The following FUT8 variants were observed in gnomAD, a reference collection of about 807,000 sequenced individuals.
FUT8 encodes the protein fucosyltransferase 8.
Under a neutral mutation model 71.3 loss-of-function variants are expected in FUT8, and 29 were observed. That is an observed-to-expected ratio of 0.41 (90% CI 0.30 to 0.55). The LOEUF is 0.55. Ranked by LOEUF, FUT8 falls within the 20% of genes least tolerant of loss-of-function variation. The pLI is 0.34. For missense variants in FUT8, 544 were observed against 702.1 expected (o/e 0.77, Z 2.55); for synonymous variants, 254 against 239.3 (o/e 1.06, Z -0.57).
intron 1 of FUT8, among the ~76,000 whole-genome samples, chr14:65,454,632 CAATT>C (rs771512894): frequency 1.3e-5 from 2 of 152,062 alleles, no homozygotes; most frequent in Non-Finnish European, 2.9e-5. Flanking sequence ...CTGCTTCTCA[CAATT>C]AATAATGTCA....
chr14:65,465,404 T>C (rs1213486781), intron 2 of FUT8, among the ~76,000 whole-genome samples: 1 of 152,208 alleles, frequency 6.6e-6, no homozygotes, highest in African/African-American at 2.4e-5. Flanking sequence ...GCTCCTAGCC[T>C]CAAGTGATCC....
rs1393094242 is a variant in FUT8 at position 65,634,440 on chromosome 14, GTCC to G, written c.597+4837_597+4839del. ...CACAAACACTGCGGAAGGCTGCAGG[GTCC>G]TCTGCCTAGGAAAACCAGAGACCTT... is the stretch of plus-strand genomic sequence containing the variant. On this transcript the variant is annotated intron_variant, in intron 6 of 10. Transcript: ENST00000673929. Among the ~76,000 whole-genome samples the G allele has an allele frequency of 2.0e-5, 3 of 152,086 alleles. No individual in the cohort carries two copies. In the East Asian group the frequency reaches 5.8e-4, roughly 29 times the overall value.
chr14:65,655,432 C>T (rs1467055018), intron 6 of FUT8, among the ~76,000 whole-genome samples: 5 of 148,980 alleles, frequency 3.4e-5, no homozygotes, highest in Admixed American at 1.3e-4. Context: ...GCCGAGATCA[C>T]GCCGCTGCAC....
At chr14:65,381,353 G>T in the FUT8 span, among the ~76,000 whole-genome samples, 2 of 152,190 alleles carry the variant, frequency 1.3e-5, no homozygotes, top group Non-Finnish European at 2.9e-5. Flanking sequence ...TGCAGGCCAG[G>T]CTTTAAAGGG....
At chr14:65,526,168 A>C (rs1195560262) in intron 2 of FUT8, among the ~76,000 whole-genome samples, 1 of 152,148 alleles carries the variant, frequency 6.6e-6, no homozygotes, top group Non-Finnish European at 1.5e-5. Flanking sequence ...GGGGTGTTAA[A>C]GTCTCCCATT....
chr14:65,480,824 C>CT (rs1266481852), intron 2 of FUT8, among the ~76,000 whole-genome samples: 2 of 151,874 alleles, frequency 1.3e-5, no homozygotes, highest in Non-Finnish European at 2.9e-5. Context: ...GTAGCTGGGA[C>CT]TACAGGCGTG....
Position 65,621,399 on chromosome 14 carries a change from G to A in FUT8, c.482+5026G>A, listed in dbSNP as rs566346531. On this transcript the variant is annotated intron_variant, in intron 5 of 10. Coordinates refer to ENST00000673929, the MANE Select transcript of FUT8 (RefSeq NM_001371533.1). ...TGAGTATCTGGAACTACAGGCACAC[G>A]CCACCATGCCCAGCTGATTTTTGTA... Among the ~76,000 whole-genome samples, 3 of 151,870 alleles carry A rather than the reference G, an allele frequency of 2.0e-5. 1 individual carries two copies. Among genetic ancestry groups the A allele is most frequent in the South Asian group, 4.2e-4 (2 of 4,792 alleles).
At chr14:65,543,354 AATAAAT>A (rs1238175781) in intron 2 of FUT8, among the ~76,000 whole-genome samples, 3 of 152,298 alleles carry the variant, frequency 2.0e-5, no homozygotes, top group African/African-American at 7.2e-5. Context: ...ATAGGTATTA[AATAAAT>A]ATAAATTTGG....
chr14:65,611,213 GCGCGCGCGCGCA>G (rs1888915080), intron 3 of FUT8, among the ~76,000 whole-genome samples: 7 of 6,262 alleles, frequency 1.1e-3, no homozygotes, highest in South Asian at 6.4e-3. Context: ...GCGCGCGCGC[GCGCGCGCGCGCA>G]CACACACACA....
At chr14:65,382,779 A>G in the FUT8 span, among the ~76,000 whole-genome samples, 1 of 152,120 alleles carries the variant, frequency 6.6e-6, no homozygotes, top group Non-Finnish European at 1.5e-5. Flanking sequence ...TTTTGTCCTT[A>G]GTTCTTGCCT....
chr14:65,599,968 C>T (rs1888212094), intron 3 of FUT8, among the ~76,000 whole-genome samples: 1 of 152,106 alleles, frequency 6.6e-6, no homozygotes, highest in South Asian at 2.1e-4. Flanking sequence ...CTTTTGAGTA[C>T]ATGAAGAAAA....
intron 1 of FUT8, among the ~76,000 whole-genome samples, chr14:65,450,146 C>T (rs2065800591): frequency 6.6e-6 from 1 of 152,034 alleles, no homozygotes; most frequent in African/African-American, 2.4e-5. Flanking sequence ...ACTCAATGGG[C>T]CATTTGCTGT....
intron 8 of FUT8, among the ~76,000 whole-genome samples, chr14:65,723,168 A>AG (rs1895508942): frequency 1.3e-5 from 2 of 149,330 alleles, no homozygotes; most frequent in African/African-American, 4.9e-5. Context: ...AAAAAAAAAA[A>AG]GCAAAAATTA....
intron 6 of FUT8, among the ~76,000 whole-genome samples, chr14:65,654,409 A>G (rs1891561480): frequency 6.6e-6 from 1 of 152,112 alleles, no homozygotes. Flanking sequence ...ACCAACATGG[A>G]GAAACCTCGT....
chr14:65,681,144 T>C (rs1459695814), intron 7 of FUT8, among the ~76,000 whole-genome samples: 2 of 152,222 alleles, frequency 1.3e-5, no homozygotes, highest in African/African-American at 4.8e-5. Flanking sequence ...ATACTGTGAG[T>C]TCTTTAAGAA....
At chr14:65,579,297 T>A (rs927745219) in intron 3 of FUT8, among the ~76,000 whole-genome samples, 4 of 152,186 alleles carry the variant, frequency 2.6e-5, no homozygotes, top group Non-Finnish European at 5.9e-5. Flanking sequence ...ACAGTATGGT[T>A]TATTAGCCTA....
At chr14:65,651,440 C>A (rs1891403509) in intron 6 of FUT8, among the ~76,000 whole-genome samples, 1 of 152,202 alleles carries the variant, frequency 6.6e-6, no homozygotes, top group East Asian at 1.9e-4. Context: ...CATTGTGAAT[C>A]TAAACAACTT....
At position 65,497,227 on chromosome 14, in the gene FUT8, T is replaced by C. The variant is rs74056796; in HGVS notation, c.-228+41509T>C. Among the ~76,000 whole-genome samples, 1,184 of 152,304 alleles carry C rather than the reference T, an allele frequency of 7.8e-3. 9 individuals are homozygous for C. The highest frequency in any genetic ancestry group is 0.024 in the African/African-American group (986 of 41,558). On this transcript the variant is annotated intron_variant, in intron 2 of 10. Coordinates refer to ENST00000673929, the MANE Select transcript of FUT8 (RefSeq NM_001371533.1). ...TTCCTTAATCAGAAGTTGATGTTCC[T>C]AAGATGAAAGATGGGAATGGGCATT...
rs900240119 is a variant in FUT8 at position 65,609,960 on chromosome 14, AT to A, written c.204-6009del. Among the ~76,000 whole-genome samples, 131 of 148,758 alleles carry A rather than the reference AT, an allele frequency of 8.8e-4. 2 individuals carry two copies. Among genetic ancestry groups the A allele is most frequent in the African/African-American group, 2.5e-3 (102 of 40,606 alleles). On this transcript the variant is annotated intron_variant, in intron 3 of 10. Coordinates refer to ENST00000673929, the MANE Select transcript of FUT8 (RefSeq NM_001371533.1). ...GCCAGATTGATACTTAATTTTTTTC[AT>A]TTTTTTTTGCTATTGTAACTAATAA...
Sources: allele counts gnomAD v4.1 joint callset (sites outside exome capture counted in the v4.1 genomes callset), GRCh38; gene constraint gnomAD v4.1.1; transcripts MANE v1.5; gene names NCBI Gene and HGNC (gene_info 2026-07-23, HGNC 2026-07-21).